The following MAP7 variants were observed in gnomAD, a reference collection of about 807,000 sequenced individuals.
MAP7 encodes the protein ensconsin.
A neutral mutation model predicts 94.8 loss-of-function variants in MAP7; 52 were observed. That is an observed-to-expected ratio of 0.55 (90% CI 0.44 to 0.69). The LOEUF is 0.69. Ranked by LOEUF, MAP7 falls within the 30% of genes least tolerant of loss-of-function variation. The probability of loss-of-function intolerance (pLI) is 0.00; values close to 1 mark genes in which losing one functional copy is unlikely to be tolerated. For synonymous variants in MAP7, 350 were observed against 357.0 expected (o/e 0.98, Z 0.22); for missense variants, 940 against 964.6 (o/e 0.97, Z 0.34).
intron 1 of MAP7, among the ~76,000 whole-genome samples, chr6:136,451,932 C>G (rs1309438904): frequency 6.6e-6 from 1 of 152,212 alleles, no homozygotes; most frequent in Non-Finnish European, 1.5e-5. Context: ...TGCAGTGGCT[C>G]ACGCCTGTAA....
At chr6:136,361,331 C>G (rs1792708466) in intron 11 of MAP7, 152 bp from the exon 12 acceptor site, 2 of 775,662 alleles carry the variant, frequency 2.6e-6, no homozygotes, top group Admixed American at 5.4e-5. Flanking sequence ...AGGGACAAAG[C>G]GCGAAGCCAC....
intron 7 of MAP7, among the ~76,000 whole-genome samples, chr6:136,377,376 A>T (rs1235187252): frequency 6.6e-6 from 1 of 152,212 alleles, no homozygotes; most frequent in Non-Finnish European, 1.5e-5. Flanking sequence ...TTGCGCTTTG[A>T]TTTTATTCCC....
At chr6:136,487,576 G>A (rs114329621) in intron 1 of MAP7, among the ~76,000 whole-genome samples, 3,666 of 152,098 alleles carry the variant, frequency 0.024, 151 homozygotes, top group African/African-American at 0.083. Context: ...AGGCATGGTG[G>A]TGTGTGCTTG....
At chr6:136,389,258 C>CT in intron 4 of MAP7, 96 bp downstream of exon 4, 1 of 1,481,504 alleles carries the variant, frequency 6.7e-7, no homozygotes, top group Admixed American at 2.5e-5. Context: ...AACCATTTTG[C>CT]TTTGCACCCT....
intron 11 of MAP7, among the ~76,000 whole-genome samples, chr6:136,362,079 T>G (rs1313667445): frequency 6.6e-6 from 1 of 152,180 alleles, no homozygotes; most frequent in African/African-American, 2.4e-5. Flanking sequence ...TATGGATTTT[T>G]TTTTTCTTTA....
chr6:136,540,858 A>AT (rs1267284577), intron 1 of MAP7, among the ~76,000 whole-genome samples: 2 of 152,230 alleles, frequency 1.3e-5, no homozygotes, highest in African/African-American at 4.8e-5. Flanking sequence ...GGGCATCCTG[A>AT]TATTTAAATG....
intron 1 of MAP7, chr6:136,475,995 G>A (rs1479978414): frequency 6.6e-6 from 1 of 152,078 alleles, no homozygotes; most frequent in Admixed American, 6.5e-5. Flanking sequence ...ATTGTATCTT[G>A]TACTCTTTCT....
intron 1 of MAP7, among the ~76,000 whole-genome samples, chr6:136,524,280 A>G (rs1259219241): frequency 6.6e-6 from 1 of 151,660 alleles, no homozygotes; most frequent in African/African-American, 2.4e-5. Flanking sequence ...TTAAGAATAA[A>G]ATGGATGGCT....
intron 1 of MAP7, among the ~76,000 whole-genome samples, chr6:136,528,061 T>C (rs763443880): frequency 2.2e-4 from 33 of 152,244 alleles, no homozygotes; most frequent in Non-Finnish European, 3.5e-4. Context: ...TCGTTTTACA[T>C]GCGAGGAAGC....
At chr6:136,486,433 T>C (rs1814770726) in intron 1 of MAP7, among the ~76,000 whole-genome samples, 1 of 152,210 alleles carries the variant, frequency 6.6e-6, no homozygotes, top group Admixed American at 6.5e-5. Context: ...CTCTAAATAA[T>C]GTGAGTGTAT....
intron 1 of MAP7, among the ~76,000 whole-genome samples, chr6:136,496,354 C>G (rs1362639525): frequency 6.6e-6 from 1 of 152,132 alleles, no homozygotes; most frequent in Non-Finnish European, 1.5e-5. Flanking sequence ...TGTCATACAA[C>G]TAATAAATGG....
intron 1 of MAP7, among the ~76,000 whole-genome samples, chr6:136,522,262 T>C (rs1008076481): frequency 1.3e-5 from 2 of 152,076 alleles, no homozygotes; most frequent in African/African-American, 4.8e-5. Flanking sequence ...TCGCTCCCAG[T>C]GATTATTTAA....
intron 1 of MAP7, among the ~76,000 whole-genome samples, chr6:136,446,671 C>T (rs1307050027): frequency 1.3e-5 from 2 of 152,192 alleles, no homozygotes; most frequent in Non-Finnish European, 2.9e-5. Flanking sequence ...ATCTCATTCA[C>T]ATACAAAAAG....
At chr6:136,393,607 CTTTAG>C (rs1781413897) in intron 3 of MAP7, among the ~76,000 whole-genome samples, 1 of 152,058 alleles carries the variant, frequency 6.6e-6, no homozygotes, top group African/African-American at 2.4e-5. Context: ...CAACCACAAA[CTTTAG>C]CATTTCTTTT....
intron 3 of MAP7, among the ~76,000 whole-genome samples, chr6:136,410,134 G>A (rs1478151209): frequency 6.6e-6 from 1 of 152,152 alleles, no homozygotes; most frequent in Non-Finnish European, 1.5e-5. Context: ...GTTAAGTATG[G>A]AAAAGCTAAT....
chr6:136,394,931 C>CATATATATATATATATACATAT (rs1781890401), intron 3 of MAP7, among the ~76,000 whole-genome samples: 1 of 27,494 alleles, frequency 3.6e-5, no homozygotes, highest in African/African-American at 8.6e-5. Context: ...AATATTCCAT[C>CATATATATATATATATACATAT]ATATATATAT....
Position 136,384,087 on chromosome 6 carries a change from C to T in MAP7, c.527-306G>A, listed in dbSNP as rs369399182. Among the ~76,000 whole-genome samples, 48 of 152,240 alleles carry T rather than the reference C, an allele frequency of 3.2e-4. No individual in the cohort carries two copies. The East Asian group carries it at 7.0e-3, about 22-fold the overall frequency. Reference sequence around the variant, plus strand: ...GGGCTTCTAAAATAGTGGAGGCACACTATGAAGCAAAAGAGGACCATAAAA... The same window carrying T: ...GGGCTTCTAAAATAGTGGAGGCACATTATGAAGCAAAAGAGGACCATAAAA... On this transcript the variant is annotated intron_variant, in intron 5 of 17. Coordinates refer to ENST00000354570, the MANE Select transcript of MAP7 (RefSeq NM_003980.6).
chr6:136,463,052 A>G (rs917839919), intron 1 of MAP7, among the ~76,000 whole-genome samples: 5 of 152,184 alleles, frequency 3.3e-5, no homozygotes, highest in African/African-American at 9.7e-5. Context: ...AGAAAAGTAA[A>G]AGTTATTGAA....
chr6:136,381,431 T>A (rs978819726), intron 6 of MAP7, among the ~76,000 whole-genome samples: 1 of 152,146 alleles, frequency 6.6e-6, no homozygotes, highest in African/African-American at 2.4e-5. Flanking sequence ...TCACCCACTT[T>A]GGCCTCCCAA....
Sources: allele counts gnomAD v4.1 joint callset (sites outside exome capture counted in the v4.1 genomes callset), GRCh38; gene constraint gnomAD v4.1.1; transcripts MANE v1.5; gene names NCBI Gene and HGNC (gene_info 2026-07-23, HGNC 2026-07-21).